PSMB1: variants seen among roughly 807,000 people sequenced by gnomAD.
PSMB1 encodes the protein proteasome subunit beta type-1.
Under a neutral mutation model 25.4 loss-of-function variants are expected in PSMB1, and 7 were observed. That is an observed-to-expected ratio of 0.28 (90% confidence interval 0.16 to 0.52). The LOEUF is 0.52. Ranked by LOEUF, PSMB1 falls within the 20% of genes least tolerant of loss-of-function variation. The probability of loss-of-function intolerance (pLI) is 0.97; values close to 1 mark genes in which losing one functional copy is unlikely to be tolerated. For missense variants in PSMB1, 284 were observed against 302.2 expected (o/e 0.94, Z 0.45); for synonymous variants, 119 against 115.0 (o/e 1.03, Z -0.22).
chr6:170,540,452 GATT>G (rs993621200), intron 4 of PSMB1, among the ~76,000 whole-genome samples: 4 of 151,976 alleles, frequency 2.6e-5, no homozygotes, highest in African/African-American at 9.7e-5. Flanking sequence ...CAGGAAAAAA[GATT>G]AAAGAAATTC....
In PSMB1 at chr6:170,535,138, T is replaced by C; in HGVS notation, c.*82A>G. 1 of 1,306,888 alleles carries C rather than the reference T, an allele frequency of 7.7e-7. No homozygotes were observed. Among genetic ancestry groups the C allele is most frequent in the Non-Finnish European group, 1.0e-6 (1 of 967,722 alleles). The allele number at this position is 1,306,888 out of a possible 1,614,324, so 81.0% of individuals were successfully genotyped here. On this transcript the variant is annotated 3_prime_UTR_variant, in exon 6 of 6. Transcript: ENST00000262193. Reference sequence around the variant, plus strand: ...AAATGAGTACTTCAGGTTTCTCTTTTAATAAACAAAACCATCCAAGGTACA... The same window carrying C: ...AAATGAGTACTTCAGGTTTCTCTTTCAATAAACAAAACCATCCAAGGTACA...
intron 4 of PSMB1, among the ~76,000 whole-genome samples, chr6:170,539,244 T>C (rs1194041127): frequency 2.0e-5 from 3 of 152,196 alleles, no homozygotes; most frequent in Non-Finnish European, 4.4e-5. Context: ...AGCTAAGCTT[T>C]GGATGGGAGA....
intron 1 of PSMB1, among the ~76,000 whole-genome samples, chr6:170,550,837 G>A (rs914293580): frequency 7.2e-6 from 1 of 138,624 alleles, no homozygotes; most frequent in African/African-American, 2.7e-5. Context: ...ATAATTATAA[G>A]TATTTTAAAG....
chr6:170,545,246 G>A (rs1222000040), intron 3 of PSMB1, among the ~76,000 whole-genome samples: 1 of 152,050 alleles, frequency 6.6e-6, no homozygotes, highest in Non-Finnish European at 1.5e-5. Context: ...ACTTCAGGAA[G>A]GGGTGTGTAT....
chr6:170,543,571 C>T (rs777517891), intron 4 of PSMB1, 30 bp downstream of exon 4: 1 of 1,575,436 alleles, frequency 6.3e-7, no homozygotes, highest in Admixed American at 1.7e-5. Context: ...CTCCTCCCCC[C>T]CACCATTTTC....
chr6:170,535,405 C>G lies in PSMB1; in HGVS notation c.541G>C (p.Val181Leu). 1 of 1,610,758 alleles carries G rather than the reference C, an allele frequency of 6.2e-7. No individual in the cohort carries two copies. Among genetic ancestry groups the G allele is most frequent in the Non-Finnish European group, 8.5e-7 (1 of 1,178,240 alleles). The change falls in exon 6 of 6, where the codon GTT (valine) becomes CTT (leucine). Residue 181 changes from valine (V) to leucine (L), a missense_variant and splice_region_variant. Physicochemically the swap from Val to Leu is conservative, Grantham distance 32. Transcript: ENST00000262193. Reference protein sequence around the residue: ...AMLQPLLDNQVGFKNMQNVEH... With the variant: ...AMLQPLLDNQLGFKNMQNVEH... ...ACATTCTGCATGTTCTTAAAACCAA[C>G]CTGGTGGGACATGAAACTTGGGTGA...
chr6:170,537,970 C>T (rs999139907), intron 4 of PSMB1, among the ~76,000 whole-genome samples: 4 of 152,108 alleles, frequency 2.6e-5, no homozygotes, highest in Admixed American at 6.5e-5. Flanking sequence ...GGGACACATC[C>T]GCAAGACACA....
intron 5 of PSMB1, chr6:170,536,585 A>C (rs1389358597): frequency 2.3e-5 from 10 of 434,684 alleles, no homozygotes; most frequent in Non-Finnish European, 4.6e-5. Context: ...GTAAACTTAC[A>C]GTATCAACAA....
intron 4 of PSMB1, among the ~76,000 whole-genome samples, chr6:170,539,783 C>G (rs920732631): frequency 6.6e-6 from 1 of 152,066 alleles, no homozygotes; most frequent in African/African-American, 2.4e-5. Context: ...AATGTATGTA[C>G]AAGGATGTTC....
chr6:170,542,898 T>C (rs1408184835), intron 4 of PSMB1, among the ~76,000 whole-genome samples: 4 of 152,136 alleles, frequency 2.6e-5, no homozygotes, highest in South Asian at 2.1e-4. Context: ...TACTTATCCA[T>C]CTGTGTCAAT....
chr6:170,544,812 T>C (rs1009860835), intron 3 of PSMB1, among the ~76,000 whole-genome samples: 1 of 152,136 alleles, frequency 6.6e-6, no homozygotes, highest in Non-Finnish European at 1.5e-5. Context: ...AAGTTTTTTA[T>C]AGAGGAATGC....
chr6:170,551,070 AG>A (rs1778893194), intron 1 of PSMB1, among the ~76,000 whole-genome samples: 1 of 152,074 alleles, frequency 6.6e-6, no homozygotes. Flanking sequence ...TGAACCCAGG[AG>A]TTGGAGGTTG....
Position 170,544,658 on chromosome 6 carries a change from C to T in PSMB1, c.304-928G>A, listed in dbSNP as rs1053305304. 3.3e-5 allele frequency among the ~76,000 whole-genome samples: 5 copies of T among 152,006 alleles called. No homozygotes were observed. The East Asian group carries it at 7.7e-4, about 23-fold the overall frequency. On this transcript the variant is annotated intron_variant, in intron 3 of 5. Transcript: ENST00000262193. ...TGAAGGCTACAGTGAGCTACAATGGCGCCACTGTACTCCAGCCTGTGCAAC... is the reference window on the plus strand; with the variant it reads ...TGAAGGCTACAGTGAGCTACAATGGTGCCACTGTACTCCAGCCTGTGCAAC...
intron 2 of PSMB1, among the ~76,000 whole-genome samples, chr6:170,548,590 C>G (rs1778852601): frequency 6.6e-6 from 1 of 152,026 alleles, no homozygotes; most frequent in South Asian, 2.1e-4. Flanking sequence ...CCCTTCAAAA[C>G]TCATGTTGAA....
At chr6:170,548,089 G>A (rs141142151) in intron 2 of PSMB1, among the ~76,000 whole-genome samples, 1 of 152,158 alleles carries the variant, frequency 6.6e-6, no homozygotes, top group African/African-American at 2.4e-5. Context: ...AGCAGAAAGG[G>A]GGTATCAAAA....
At chr6:170,552,025 A>G (rs1444088208) in intron 1 of PSMB1, among the ~76,000 whole-genome samples, 1 of 152,166 alleles carries the variant, frequency 6.6e-6, no homozygotes, top group Non-Finnish European at 1.5e-5. Flanking sequence ...CACTCCCAAA[A>G]TGTGCATTTA....
rs1285315446 is a variant in PSMB1, at chr6:170,548,997, T to C, written c.221+9A>G. On this transcript the variant is annotated intron_variant, in intron 2 of 5. Transcript: ENST00000262193. ...GCATTGTGAAATGTCTTTAGAAATA[T>C]TTACTTACAATTTGTAACATTTGGG... is the stretch of plus-strand genomic sequence containing the variant. 1.9e-6 allele frequency: 3 copies of C among 1,557,998 alleles called. No homozygotes were observed. Among genetic ancestry groups the C allele is most frequent in the East Asian group, 2.2e-5 (1 of 44,590 alleles).
At chr6:170,541,512 A>C (rs1000654987) in intron 4 of PSMB1, among the ~76,000 whole-genome samples, 1 of 152,146 alleles carries the variant, frequency 6.6e-6, no homozygotes, top group Admixed American at 6.5e-5. Flanking sequence ...AAAACACCAA[A>C]AGATATCTCA....
intron 1 of PSMB1, chr6:170,549,824 G>A (rs547708309): frequency 6.6e-6 from 1 of 152,178 alleles, no homozygotes; most frequent in Non-Finnish European, 1.5e-5. Flanking sequence ...GTGTTCAAAG[G>A]ATCAAATATG....
Sources: gnomAD v4.1 joint callset for allele counts (sites outside exome capture counted in the v4.1 genomes callset) on GRCh38, gnomAD v4.1.1 for gene constraint, MANE v1.5 for transcripts, NCBI Gene and HGNC (gene_info 2026-07-23, HGNC 2026-07-21) for gene names.